The following PGBD2 variants were observed in gnomAD, a reference collection of about 807,000 sequenced individuals.
PGBD2 encodes piggyBac transposable element derived 2, also known as piggyBac transposable element-derived protein 2.
In PGBD2, 6 loss-of-function variants were observed where a neutral mutation model predicts 8.1. The observed-to-expected ratio is 0.74, with a 90% CI of 0.40 to 1.46. The LOEUF (loss-of-function observed/expected upper bound fraction) is 1.46. Among genes scored for constraint, PGBD2 ranks in the 40% most tolerant of loss-of-function variants. The pLI is 0.02. For synonymous variants in PGBD2, 318 were observed against 272.2 expected (o/e 1.17, Z -1.66); for missense variants, 802 against 739.0 (o/e 1.09, Z -0.99).
downstream of PGBD2, among the ~76,000 whole-genome samples, chr1:248,923,913 G>A (rs1662335529): frequency 6.6e-6 from 1 of 152,210 alleles, no homozygotes; most frequent in Non-Finnish European, 1.5e-5. Flanking sequence ...TACCAAGACA[G>A]CTCCTAGTTG....
chr1:248,874,158 G>C, the PGBD2 span, among the ~76,000 whole-genome samples: 4 of 152,270 alleles, frequency 2.6e-5, no homozygotes, highest in African/African-American at 7.2e-5. Flanking sequence ...CAAATGTTGC[G>C]AGAAAACCGC....
At chr1:248,922,001 A>C (rs1304915064), downstream of PGBD2, among the ~76,000 whole-genome samples, 5 of 151,180 alleles carry the variant, frequency 3.3e-5, no homozygotes, top group African/African-American at 1.2e-4. Context: ...GACTTTGCTG[A>C]TGTTGCCTAT....
the PGBD2 span, among the ~76,000 whole-genome samples, chr1:248,879,534 A>G: frequency 6.6e-6 from 1 of 152,164 alleles, no homozygotes; most frequent in African/African-American, 2.4e-5. Context: ...AGCTAGGACT[A>G]CAGGCGTGTG....
the PGBD2 span, among the ~76,000 whole-genome samples, chr1:248,928,224 A>G: frequency 6.6e-6 from 1 of 152,192 alleles, no homozygotes; most frequent in Non-Finnish European, 1.5e-5. Flanking sequence ...CTTGGTATCT[A>G]GAGAGGTGAG....
chr1:248,877,526 G>A, the PGBD2 span, among the ~76,000 whole-genome samples: 2 of 152,078 alleles, frequency 1.3e-5, no homozygotes, highest in Admixed American at 6.6e-5. Context: ...AAGCTTATAG[G>A]CCATCTTGAG....
chr1:248,876,153 C>T, the PGBD2 span, among the ~76,000 whole-genome samples: 2 of 152,038 alleles, frequency 1.3e-5, no homozygotes, highest in African/African-American at 4.8e-5. Flanking sequence ...GGATTACAGG[C>T]ATGCACCACC....
At chr1:248,919,796 A>G (rs934836229), downstream of PGBD2, 1 of 166,784 alleles carries the variant, frequency 6.0e-6, no homozygotes. Flanking sequence ...CCCGGATGAG[A>G]TATCTCAATG....
chr1:248,921,317 A>T (rs1028687875), downstream of PGBD2, among the ~76,000 whole-genome samples: 1 of 152,174 alleles, frequency 6.6e-6, no homozygotes, highest in Non-Finnish European at 1.5e-5. Context: ...TGATTTTTGT[A>T]TAAGGTGTAA....
the PGBD2 span, among the ~76,000 whole-genome samples, chr1:248,892,261 CCCTCCCTCCCTCCCTTCCTT>C: frequency 8.9e-6 from 1 of 112,092 alleles, no homozygotes; most frequent in Non-Finnish European, 1.7e-5. Context: ...CTCCCTCCCT[CCCTCCCTCCCTCCCTTCCTT>C]CCTTCCTTCC....
At chr1:248,874,305 T>C in the PGBD2 span, among the ~76,000 whole-genome samples, 1 of 152,218 alleles carries the variant, frequency 6.6e-6, no homozygotes, top group East Asian at 1.9e-4. Flanking sequence ...CCGGGTTCGA[T>C]TCCCGGTCAG....
chr1:248,919,390 C>G (rs892141712), downstream of PGBD2: 1 of 166,542 alleles, frequency 6.0e-6, no homozygotes, highest in African/African-American at 2.4e-5. Context: ...ACCTCCAGTT[C>G]CATTCATGTT....
chr1:248,925,200 G>A, the PGBD2 span, among the ~76,000 whole-genome samples: 1 of 152,310 alleles, frequency 6.6e-6, no homozygotes, highest in Admixed American at 6.5e-5. Context: ...AGTGTTACCT[G>A]GAGGAAGCCA....
the PGBD2 span, among the ~76,000 whole-genome samples, chr1:248,897,417 G>C: frequency 1.3e-5 from 2 of 151,900 alleles, no homozygotes; most frequent in Admixed American, 1.3e-4. Context: ...AAAACTGCTG[G>C]CAAGCATACC....
chr1:248,874,137 C>CT, the PGBD2 span, among the ~76,000 whole-genome samples: 1 of 152,204 alleles, frequency 6.6e-6, no homozygotes, highest in East Asian at 1.9e-4. Flanking sequence ...GGGAAGCAGT[C>CT]TGCATATTCC....
At chr1:248,922,348 C>T (rs74347125), downstream of PGBD2, among the ~76,000 whole-genome samples, 45 of 152,232 alleles carry the variant, frequency 3.0e-4, no homozygotes, top group Admixed American at 2.8e-3. Context: ...CGTGAGCCAC[C>T]GTGCCCAGCT....
Position 248,918,135 on chromosome 1 carries a change from G to A in PGBD2, c.1551G>A (p.Arg517=), listed in dbSNP as rs1662185528. ...CCCAGGTGGACCTCCTTGCCTTCCGGAGATACATTGCCTGTGTGTATCTGG... is the reference window on the plus strand; with the variant it reads ...CCCAGGTGGACCTCCTTGCCTTCCGAAGATACATTGCCTGTGTGTATCTGG... The part of the protein sequence containing the change: ...QDAQVDLLAF[R]RYIACVYLES... The change falls in exon 3 of 3, where the codon CGG becomes CGA. Residue 517 remains arginine (R), a synonymous_variant. Transcript: ENST00000329291. 1 of 1,614,088 alleles carries A rather than the reference G, an allele frequency of 6.2e-7. No homozygotes were observed. The highest frequency in any genetic ancestry group is 1.3e-5 in the African/African-American group (1 of 74,928).
the PGBD2 span, among the ~76,000 whole-genome samples, chr1:248,874,858 T>TTCTC: frequency 1.3e-5 from 2 of 150,096 alleles, no homozygotes; most frequent in Admixed American, 1.3e-4. Context: ...TTTTGTCACA[T>TTCTC]TCTCTCTCTC....
At chr1:248,879,433 CA>C in the PGBD2 span, among the ~76,000 whole-genome samples, 3 of 152,162 alleles carry the variant, frequency 2.0e-5, no homozygotes, top group Non-Finnish European at 4.4e-5. Flanking sequence ...CCTTCTCTGT[CA>C]CTCAGCCTTG....
the PGBD2 span, among the ~76,000 whole-genome samples, chr1:248,930,066 G>A: frequency 4.4e-3 from 668 of 152,348 alleles, 2 homozygotes; most frequent in African/African-American, 0.015. Flanking sequence ...GTGTGCTGAG[G>A]AGGGAGCTCT....
Sources: allele counts gnomAD v4.1 joint callset (sites outside exome capture counted in the v4.1 genomes callset), GRCh38; gene constraint gnomAD v4.1.1; transcripts MANE v1.5; gene names NCBI Gene and HGNC (gene_info 2026-07-23, HGNC 2026-07-21).